The following NIBAN1 variants were observed in gnomAD, a reference collection of about 807,000 sequenced individuals.
NIBAN1 encodes the protein protein Niban 1.
A neutral mutation model predicts 75.1 loss-of-function variants in NIBAN1; 81 were observed. The ratio of observed to expected loss-of-function variants is 1.08; its 90% CI spans 0.90 to 1.30. The LOEUF is 1.30. NIBAN1 is among the 50% of genes most tolerant of loss of function. The pLI, the probability that NIBAN1 is intolerant of heterozygous loss-of-function variation, is 0.00. For synonymous variants in NIBAN1, 436 were observed against 424.8 expected (o/e 1.03, Z -0.32); for missense variants, 1,133 against 1,128.1 (o/e 1.00, Z -0.06).
rs1654257619 is a variant in NIBAN1, at chr1:184,808,079, G to A, written c.1330C>T (p.Gln444Ter). The change falls in exon 10 of 14, where the codon CAG (glutamine) becomes TAG (stop). Residue 444 changes from glutamine to a stop codon, truncating the protein, a stop_gained. Coordinates refer to ENST00000367511, the MANE Select transcript of NIBAN1 (RefSeq NM_052966.4). LOFTEE classifies it high-confidence loss of function. The part of the protein sequence containing the change: ...LVVQRTQNYM[Q>*]ELMENAVFTF... ...GATGCCCCTGCCACACCCACCTCCTGCATGTAGTTCTGTGTCCTCTGAACC... is the reference window on the plus strand; with the variant it reads ...GATGCCCCTGCCACACCCACCTCCTACATGTAGTTCTGTGTCCTCTGAACC... 5 of 1,613,782 alleles carry A rather than the reference G, an allele frequency of 3.1e-6. No homozygotes were observed. Among genetic ancestry groups the A allele is most frequent in the Non-Finnish European group, 4.2e-6 (5 of 1,179,848 alleles).
At chr1:184,955,074 C>G in intron 1 of NIBAN1, among the ~76,000 whole-genome samples, 1 of 152,016 alleles carries the variant, frequency 6.6e-6, no homozygotes, top group Non-Finnish European at 1.5e-5. Flanking sequence ...ATCATAGGGC[C>G]AAAATTGTAT....
intron 5 of NIBAN1, among the ~76,000 whole-genome samples, chr1:184,882,990 G>T (rs562800695): frequency 6.6e-6 from 1 of 152,208 alleles, no homozygotes; most frequent in African/African-American, 2.4e-5. Context: ...TGTTACTCAG[G>T]GTTGCTGTGG....
chr1:184,967,621 AG>A (rs1264456946), intron 1 of NIBAN1, among the ~76,000 whole-genome samples: 1 of 152,194 alleles, frequency 6.6e-6, no homozygotes, highest in Non-Finnish European at 1.5e-5. Flanking sequence ...TAAAGTAAAA[AG>A]CTCAGTAGTT....
chr1:184,913,376 C>G (rs1001915440), intron 1 of NIBAN1, among the ~76,000 whole-genome samples: 4 of 151,894 alleles, frequency 2.6e-5, no homozygotes, highest in African/African-American at 9.7e-5. Context: ...TGTGTCTTTG[C>G]CAATGAGAGA....
intron 1 of NIBAN1, among the ~76,000 whole-genome samples, chr1:184,926,247 T>G (rs1200141649): frequency 1.3e-5 from 2 of 152,196 alleles, no homozygotes; most frequent in Non-Finnish European, 2.9e-5. Context: ...GTCTGTTTGT[T>G]TTTGTTTTTA....
intron 1 of NIBAN1, among the ~76,000 whole-genome samples, chr1:184,957,849 T>C (rs901339354): frequency 1.3e-5 from 2 of 152,222 alleles, no homozygotes; most frequent in African/African-American, 4.8e-5. Flanking sequence ...TTTATTTATT[T>C]TTTATTGTAT....
At chr1:184,938,595 A>G (rs1658017951) in intron 1 of NIBAN1, among the ~76,000 whole-genome samples, 1 of 152,092 alleles carries the variant, frequency 6.6e-6, no homozygotes, top group South Asian at 2.1e-4. Context: ...GGTTTAACAT[A>G]TTTTTCAGCT....
chr1:184,970,082 T>C (rs540265673), intron 1 of NIBAN1, among the ~76,000 whole-genome samples: 1 of 148,818 alleles, frequency 6.7e-6, no homozygotes, highest in Non-Finnish European at 1.5e-5. Flanking sequence ...GGTGGGAGGA[T>C]CGCTTGAGCC....
intron 2 of NIBAN1, 91 bp downstream of exon 2, chr1:184,899,088 C>A: frequency 1.4e-6 from 2 of 1,431,948 alleles, no homozygotes; most frequent in South Asian, 1.3e-5. Context: ...TTAAAACTGC[C>A]ATTCAAATTA....
At chr1:184,880,257 G>A (rs1656342809) in intron 5 of NIBAN1, among the ~76,000 whole-genome samples, 1 of 152,230 alleles carries the variant, frequency 6.6e-6, no homozygotes, top group East Asian at 1.9e-4. Context: ...TCACTCTGGT[G>A]CAAGCTACTG....
At chr1:184,970,926 G>A (rs557828048) in intron 1 of NIBAN1, among the ~76,000 whole-genome samples, 1 of 152,050 alleles carries the variant, frequency 6.6e-6, no homozygotes, top group Non-Finnish European at 1.5e-5. Flanking sequence ...AGTGTGGGGG[G>A]TTTTTTGGTT....
chr1:184,913,030 C>G (rs1185885030), intron 1 of NIBAN1, among the ~76,000 whole-genome samples: 2 of 151,922 alleles, frequency 1.3e-5, no homozygotes, highest in Non-Finnish European at 2.9e-5. Flanking sequence ...AGTTTAGAAC[C>G]ACTGGTTTAA....
chr1:184,951,961 T>A (rs1461968976), intron 1 of NIBAN1, among the ~76,000 whole-genome samples: 1 of 152,170 alleles, frequency 6.6e-6, no homozygotes, highest in East Asian at 1.9e-4. Flanking sequence ...ATTTCTTAGT[T>A]TTATTTCTCC....
Position 184,831,836 on chromosome 1 carries a change from C to A in NIBAN1, c.717+11G>T, listed in dbSNP as rs1023689065. 1.2e-6 allele frequency: 2 copies of A among 1,601,660 alleles called. No individual in the cohort carries two copies. Among genetic ancestry groups the A allele is most frequent in the South Asian group, 2.2e-5 (2 of 90,434 alleles). On this transcript the variant is annotated intron_variant, in intron 6 of 13. Coordinates refer to ENST00000367511, the MANE Select transcript of NIBAN1 (RefSeq NM_052966.4). ...CACAGAGAGAATCCAAAATTTTGAA[C>A]CCCATATTACCTGGATTTCATCCCC...
chr1:184,924,059 C>T (rs1309025637), intron 1 of NIBAN1, among the ~76,000 whole-genome samples: 1 of 151,656 alleles, frequency 6.6e-6, no homozygotes, highest in African/African-American at 2.4e-5. Flanking sequence ...GTTTAGGTGC[C>T]TTTTATTTCT....
chr1:184,819,860 A>T (rs1654645868), intron 8 of NIBAN1, among the ~76,000 whole-genome samples: 1 of 152,352 alleles, frequency 6.6e-6, no homozygotes. Context: ...GCTAACATTC[A>T]AGTGTCTTTC....
intron 1 of NIBAN1, among the ~76,000 whole-genome samples, chr1:184,940,290 C>T (rs1179985535): frequency 6.6e-6 from 1 of 152,166 alleles, no homozygotes; most frequent in Non-Finnish European, 1.5e-5. Context: ...AGGCTAAATA[C>T]AATCTCCACT....
chr1:184,863,334 C>A (rs1655866971), intron 5 of NIBAN1, among the ~76,000 whole-genome samples: 1 of 152,198 alleles, frequency 6.6e-6, no homozygotes, highest in Admixed American at 6.5e-5. Flanking sequence ...TGAGGCTTCA[C>A]CTCTGATATT....
intron 5 of NIBAN1, among the ~76,000 whole-genome samples, chr1:184,855,456 T>A (rs893159209): frequency 1.3e-5 from 2 of 150,026 alleles, no homozygotes; most frequent in Admixed American, 6.7e-5. Context: ...CCCATACTTA[T>A]TTTTTTTTTA....
Sources: allele counts gnomAD v4.1 joint callset (sites outside exome capture counted in the v4.1 genomes callset), GRCh38; gene constraint gnomAD v4.1.1; transcripts MANE v1.5; gene names NCBI Gene and HGNC (gene_info 2026-07-23, HGNC 2026-07-21).